GATB: variants seen among roughly 807,000 people sequenced by gnomAD.
The protein encoded by GATB is glutamyl-tRNA amidotransferase subunit B.
Under a neutral mutation model 62.3 loss-of-function variants are expected in GATB, and 39 were observed. That is an observed-to-expected ratio of 0.63 (90% confidence interval 0.48 to 0.82). The LOEUF (loss-of-function observed/expected upper bound fraction) is 0.82. Among genes scored for constraint, GATB ranks in the 40% least tolerant of loss-of-function variants. The pLI is 0.00. For missense variants in GATB, 670 were observed against 684.0 expected (o/e 0.98, Z 0.23); for synonymous variants, 276 against 258.9 (o/e 1.07, Z -0.63).
intron 10 of GATB, among the ~76,000 whole-genome samples, chr4:151,686,663 A>ACCCCG (rs1553966488): frequency 1.3e-4 from 9 of 68,538 alleles, no homozygotes; most frequent in African/African-American, 3.9e-4. Context: ...CCCCCCCCCC[A>ACCCCG]CCCCCCAGTT....
rs561815362 is a variant in GATB at position 151,685,896 on chromosome 4, T to C, written c.1331+2734A>G. Among the ~76,000 whole-genome samples the C allele has an allele frequency of 7.3e-4, 110 of 151,552 alleles. 1 individual carries two copies. In the South Asian group the frequency reaches 0.015, roughly 20 times the overall value. On this transcript the variant is annotated intron_variant, in intron 10 of 12. Transcript: ENST00000263985. ...AACCCTGTCTCTACTAAAAAGAAAATACAAAAATTAGCTGGGTGTGGTGGC... is the reference window on the plus strand; with the variant it reads ...AACCCTGTCTCTACTAAAAAGAAAACACAAAAATTAGCTGGGTGTGGTGGC...
chr4:151,712,781 G>C (rs1738843693), intron 5 of GATB, among the ~76,000 whole-genome samples: 1 of 152,264 alleles, frequency 6.6e-6, no homozygotes, highest in Non-Finnish European at 1.5e-5. Flanking sequence ...CTGTTTTCGA[G>C]GCCCTGTCCT....
At position 151,701,835 on chromosome 4, in the gene GATB, T is replaced by C. The variant is rs561260838; in HGVS notation, c.1008-317A>G. On this transcript the variant is annotated intron_variant, in intron 8 of 12. Coordinates refer to ENST00000263985, the MANE Select transcript of GATB (RefSeq NM_004564.3). ...CAGGAATTGTGCCCACAGTTGTGTGTTGCTTCACAACGGCGATATGTTCGT... is the reference window on the plus strand; with the variant it reads ...CAGGAATTGTGCCCACAGTTGTGTGCTGCTTCACAACGGCGATATGTTCGT... Among the ~76,000 whole-genome samples, 12 of 152,346 alleles carry C rather than the reference T, an allele frequency of 7.9e-5. 1 individual carries two copies. In the East Asian group the frequency reaches 2.3e-3, roughly 29 times the overall value.
rs112980904 is a variant in GATB, at chr4:151,712,902, G to A, written c.763+3107C>T. On this transcript the variant is annotated intron_variant, in intron 5 of 12. Transcript: ENST00000263985. ...AACCCGGGGGCCATGGACAGGTACT[G>A]GTCTGTGGCCTGTTAGGAACCAGAT... is the stretch of plus-strand genomic sequence containing the variant. 5.0e-3 allele frequency among the ~76,000 whole-genome samples: 767 copies of A among 152,304 alleles called. 7 individuals carry two copies. The highest frequency in any genetic ancestry group is 0.017 in the African/African-American group (694 of 41,562).
At chr4:151,709,982 CA>C (rs917597006) in intron 5 of GATB, among the ~76,000 whole-genome samples, 7 of 152,166 alleles carry the variant, frequency 4.6e-5, no homozygotes, top group Admixed American at 2.6e-4. Flanking sequence ...TCTGCTCCAC[CA>C]GCACGCTCTC....
intron 9 of GATB, among the ~76,000 whole-genome samples, chr4:151,698,561 G>A (rs1192494430): frequency 2.0e-5 from 3 of 152,130 alleles, no homozygotes; most frequent in African/African-American, 7.2e-5. Flanking sequence ...GCCCTTCTCA[G>A]CAATCTGTTG....
chr4:151,737,776 G>A (rs988800208), intron 2 of GATB, among the ~76,000 whole-genome samples: 9 of 152,214 alleles, frequency 5.9e-5, no homozygotes, highest in Admixed American at 2.0e-4. Context: ...CAAAGGTACA[G>A]CTTGGACTGT....
intron 2 of GATB, among the ~76,000 whole-genome samples, chr4:151,751,761 C>A (rs757407230): frequency 5.9e-5 from 9 of 152,148 alleles, no homozygotes; most frequent in Admixed American, 2.0e-4. Context: ...ACTTGCTAAG[C>A]CCTTCATTGT....
chr4:151,744,473 C>T (rs574184114), intron 2 of GATB, among the ~76,000 whole-genome samples: 17 of 152,180 alleles, frequency 1.1e-4, no homozygotes, highest in African/African-American at 4.1e-4. Flanking sequence ...AAAGTAGAGG[C>T]CAGGCATGGT....
At chr4:151,732,277 A>G (rs1475849185) in intron 2 of GATB, among the ~76,000 whole-genome samples, 3 of 152,214 alleles carry the variant, frequency 2.0e-5, no homozygotes, top group Non-Finnish European at 2.9e-5. Context: ...TGTGGAATAG[A>G]AAAGGGGGAA....
rs1738099254 is a variant in GATB, at chr4:151,679,864, C to T, written c.1359G>A (p.Glu453=). ...ESPVTPSALA[E]LLDLLDSRTI... ...TTCTGCTGTCCAGCAGGTCAAGAAG[C>T]TCAGCGAGTGCAGAGGGTGTGACAG... The change falls in exon 11 of 13, where the codon GAG becomes GAA. Residue 453 remains glutamate (E), a synonymous_variant. Transcript: ENST00000263985. The T allele has an allele frequency of 1.2e-6, 2 of 1,614,124 alleles. No homozygotes were observed. Among genetic ancestry groups the T allele is most frequent in the Non-Finnish European group, 1.7e-6 (2 of 1,180,020 alleles).
rs1226015813 is a variant in GATB at position 151,697,951 on chromosome 4, GTGTATATATATATA to G, written c.1197+3364_1197+3377del. Among the ~76,000 whole-genome samples the G allele has an allele frequency of 1.1e-3, 32 of 28,638 alleles. 3 individuals carry two copies. Among genetic ancestry groups the G allele is most frequent in the African/African-American group, 5.5e-3 (26 of 4,742 alleles). 18.8% of individuals were successfully genotyped at this position (28,638 alleles called of 152,430 possible). A position where few individuals can be genotyped will look rare whatever the true frequency, so the allele number is the denominator to read the frequency against. ...ATTTCATATATATGTGTGTGTGTGT[GTGTATATATATATA>G]TATATATATATATATATATATATAT... On this transcript the variant is annotated intron_variant, in intron 9 of 12. Transcript: ENST00000263985.
chr4:151,693,503 C>A (rs1027080501), intron 9 of GATB, among the ~76,000 whole-genome samples: 4 of 104,746 alleles, frequency 3.8e-5, no homozygotes, highest in African/African-American at 2.3e-4. Flanking sequence ...GGAAACACGA[C>A]CCCCCCCTCA....
intron 2 of GATB, among the ~76,000 whole-genome samples, chr4:151,732,685 C>T (rs927823701): frequency 6.7e-5 from 10 of 149,866 alleles, no homozygotes; most frequent in Non-Finnish European, 1.2e-4. Flanking sequence ...CCAAATCCCC[C>T]TCTGCGAGAA....
intron 2 of GATB, among the ~76,000 whole-genome samples, chr4:151,732,053 GT>G (rs1197570052): frequency 5.3e-5 from 5 of 95,122 alleles, no homozygotes; most frequent in African/African-American, 2.0e-4. Context: ...CGGGAGGGAG[GT>G]GGGGGGGTCA....
At chr4:151,715,878 T>G in intron 5 of GATB, 131 bp downstream of exon 5, 2 of 1,061,774 alleles carry the variant, frequency 1.9e-6, no homozygotes, top group Non-Finnish European at 2.6e-6. Context: ...AAAACAGGGT[T>G]GCAAAAGGCT....
chr4:151,677,152 CAG>C (rs1469471654), intron 11 of GATB: 2 of 152,220 alleles, frequency 1.3e-5, no homozygotes, highest in East Asian at 3.9e-4. Context: ...CCAGTAGGAT[CAG>C]AGAGTCTCTG....
At chr4:151,754,432 T>C (rs1234717694) in intron 2 of GATB, among the ~76,000 whole-genome samples, 1 of 152,218 alleles carries the variant, frequency 6.6e-6, no homozygotes, top group Non-Finnish European at 1.5e-5. Flanking sequence ...TAAAAGGTAG[T>C]GCAACTGCCT....
At chr4:151,749,039 G>C (rs1041755313) in intron 2 of GATB, among the ~76,000 whole-genome samples, 36 of 152,186 alleles carry the variant, frequency 2.4e-4, no homozygotes, top group African/African-American at 8.7e-4. Context: ...GGAGAAATAG[G>C]AACACTTTTA....
Sources: allele counts gnomAD v4.1 joint callset (sites outside exome capture counted in the v4.1 genomes callset), GRCh38; gene constraint gnomAD v4.1.1; transcripts MANE v1.5; gene names NCBI Gene and HGNC (gene_info 2026-07-23, HGNC 2026-07-21).